Variants in POU6F1 observed in about 807,000 individuals in gnomAD.
POU6F1 encodes the protein POU class 6 homeobox 1.
POU6F1 carries 9 observed loss-of-function variants against 28.9 expected under a neutral mutation model. That is an observed-to-expected ratio of 0.31 (90% CI 0.19 to 0.54). The LOEUF (loss-of-function observed/expected upper bound fraction) is 0.54. Among genes scored for constraint, POU6F1 ranks in the 20% least tolerant of loss-of-function variants. The pLI is 0.94. For synonymous variants in POU6F1, 173 were observed against 171.1 expected, an observed-to-expected ratio of 1.01 and a Z score of -0.09; for missense variants, 338 against 426.1, an observed-to-expected ratio of 0.79 and a Z score of 1.82.
rs933764628 is a variant in POU6F1, at chr12:51,199,775, G to A, written c.338C>T (p.Thr113Met). ...GGGGGCAGCTTGTACAGCCAGTGGC[G>A]TCAGGGTCTGCGATGCCTGAGGCTG... The part of the protein sequence containing the change: ...PSQPQASQTL[T>M]PLAVQAAPQV... Residue 113 changes from threonine (T) to methionine (M), a missense_variant, in exon 4 of 11, where the codon ACG (threonine) becomes ATG (methionine). Physicochemically the swap from Thr to Met is moderately conservative, Grantham distance 81. This residue lies in a region of POU6F1 where 206 missense variants were observed against 225.6 expected (regional missense o/e 0.91). Coordinates refer to ENST00000333640, the MANE Select transcript of POU6F1 (RefSeq NM_001330422.2). This position sits in a 1 kb window ranked among gnomAD's most constrained non-coding sequence, Gnocchi z 4.1. 2.8e-5 allele frequency: 11 copies of A among 399,116 alleles called. No homozygotes were observed. The highest frequency in any genetic ancestry group is 4.4e-5 in the Non-Finnish European group (10 of 226,180). 24.7% of individuals were successfully genotyped at this position (399,116 alleles called of 1,614,324 possible). A position where few individuals can be genotyped will look rare whatever the true frequency, so the allele number is the denominator to read the frequency against.
intron 1 of POU6F1, among the ~76,000 whole-genome samples, chr12:51,209,969 T>C (rs11169766): frequency 0.084 from 12,718 of 152,168 alleles, 667 homozygotes; most frequent in Middle Eastern, 0.15. Flanking sequence ...GATTTTTTTT[T>C]TGTTTTGAGA....
intron 8 of POU6F1, among the ~76,000 whole-genome samples, 175 bp downstream of exon 8, chr12:51,195,795 C>A (rs1276489985): frequency 6.6e-6 from 1 of 152,182 alleles, no homozygotes; most frequent in Non-Finnish European, 1.5e-5. Flanking sequence ...TTTCCCTGGG[C>A]AGAACCTGTG....
chr12:51,194,256 G>A (rs898131721), intron 8 of POU6F1, among the ~76,000 whole-genome samples: 11 of 152,036 alleles, frequency 7.2e-5, no homozygotes. Flanking sequence ...TGAACTCCTG[G>A]CCTCAGGTGA....
chr12:51,209,493 T>C (rs1943845891), intron 1 of POU6F1, among the ~76,000 whole-genome samples: 1 of 152,270 alleles, frequency 6.6e-6, no homozygotes, highest in Non-Finnish European at 1.5e-5. Flanking sequence ...AATAGTATTC[T>C]ATTGTATGGA....
intron 3 of POU6F1, among the ~76,000 whole-genome samples, chr12:51,200,151 T>C (rs913151172): frequency 6.6e-6 from 1 of 151,802 alleles, no homozygotes; most frequent in Non-Finnish European, 1.5e-5. Flanking sequence ...CCCAGGTGAG[T>C]GTTAGCCCTC....
At chr12:51,197,196 G>C (rs1339377021) in intron 6 of POU6F1, among the ~76,000 whole-genome samples, 1 of 142,878 alleles carries the variant, frequency 7.0e-6, no homozygotes, top group African/African-American at 2.6e-5. Context: ...TGGTTTCCAG[G>C]GCTAGGGGTC....
At chr12:51,194,648 A>T (rs911785726) in intron 8 of POU6F1, among the ~76,000 whole-genome samples, 1 of 150,518 alleles carries the variant, frequency 6.6e-6, no homozygotes, top group African/African-American at 2.5e-5. Context: ...CTCAAAAAAA[A>T]AAAAAAAAAA....
chr12:51,196,152 C>A lies in POU6F1; in HGVS notation c.997G>T (p.Val333Leu). Reference protein sequence around the residue: ...QGQVIGTLPWVVNSASVAAPA... With the variant: ...QGQVIGTLPWLVNSASVAAPA... Reference sequence around the variant, plus strand: ...GCCGCCACACTAGCTGAGTTCACTACCCATGGAAGGGTTCCAATAACCTGG... The same window carrying A: ...GCCGCCACACTAGCTGAGTTCACTAACCATGGAAGGGTTCCAATAACCTGG... Residue 333 changes from valine to leucine, a missense_variant, in exon 8 of 11, where the codon GTA becomes TTA. Coordinates refer to ENST00000333640, the MANE Select transcript of POU6F1 (RefSeq NM_001330422.2). The A allele has an allele frequency of 6.5e-7, 1 of 1,533,146 alleles. No individual in the cohort carries two copies. The highest frequency in any genetic ancestry group is 1.3e-5 in the South Asian group (1 of 77,634). The allele number at this position is 1,533,146 out of a possible 1,614,324, so 95.0% of individuals were successfully genotyped here.
chr12:51,200,410 C>T (rs541221545), intron 3 of POU6F1, among the ~76,000 whole-genome samples: 1 of 152,326 alleles, frequency 6.6e-6, no homozygotes, highest in South Asian at 2.1e-4. Context: ...ACTACAGGAT[C>T]ACAGGGGCTC....
intron 1 of POU6F1, among the ~76,000 whole-genome samples, chr12:51,215,577 AGAG>A (rs1174842022): frequency 1.4e-5 from 2 of 146,164 alleles, no homozygotes; most frequent in Non-Finnish European, 3.0e-5. Flanking sequence ...AAAAAAAAAA[AGAG>A]AGATTTCCAA....
intron 1 of POU6F1, among the ~76,000 whole-genome samples, chr12:51,208,550 G>A (rs1943778423): frequency 6.6e-6 from 1 of 152,068 alleles, no homozygotes; most frequent in African/African-American, 2.4e-5. Context: ...TTCTGCTATG[G>A]TCTGAATGTG....
chr12:51,197,121 ATGGTTTCCAGGGCTAGGGGTCTACCGG>A (rs1942884369), intron 6 of POU6F1, 194 bp from the exon 7 acceptor site: 1 of 328,434 alleles, frequency 3.0e-6, no homozygotes, highest in East Asian at 6.8e-5. Flanking sequence ...TACCTGCTGG[ATGGTTTCCAGGGCTAGGGGTCTACCGG>A]CTGGATGGTT....
intron 7 of POU6F1, among the ~76,000 whole-genome samples, chr12:51,196,575 C>T (rs1423476933): frequency 6.6e-6 from 1 of 152,236 alleles, no homozygotes; most frequent in East Asian, 1.9e-4. Context: ...AGCATGGGTG[C>T]TCCATAAATG....
In POU6F1 at chr12:51,196,878, G is replaced by C. The variant is rs764884908; in HGVS notation, c.896C>G (p.Thr299Ser). 33 of 1,613,768 alleles carry C rather than the reference G, an allele frequency of 2.0e-5. No individual in the cohort carries two copies. Among genetic ancestry groups the C allele is most frequent in the Middle Eastern group, 1.7e-4 (1 of 6,054 alleles). The change falls in exon 7 of 11, where the codon ACT becomes AGT. Residue 299 changes from threonine to serine, a missense_variant. By Grantham distance (58) the Thr-to-Ser change is moderately conservative. This residue lies in a region of POU6F1 where 206 missense variants were observed against 225.6 expected (regional missense o/e 0.91). Transcript: ENST00000333640. ...GGQTQILGSL[T>S]TAPVITSAIP... ...GGCGCTGGTAATGACTGGAGCTGTA[G>C]TGAGGGACCCCAGGATCTGGGTCTG...
At chr12:51,209,057 G>A (rs754336676) in intron 1 of POU6F1, among the ~76,000 whole-genome samples, 8 of 152,184 alleles carry the variant, frequency 5.3e-5, no homozygotes, top group Non-Finnish European at 1.2e-4. Context: ...TCAGTACTAT[G>A]AGAAATAAAT....
intron 6 of POU6F1, 140 bp downstream of exon 6, chr12:51,197,630 G>A: frequency 2.5e-6 from 1 of 398,104 alleles, no homozygotes; most frequent in Non-Finnish European, 4.4e-6. Flanking sequence ...AGGCCTCAGA[G>A]GGAGCCCATC....
Position 51,191,752 on chromosome 12 carries a change from G to C in POU6F1, c.1334C>G (p.Pro445Arg). Reference protein sequence around the residue: ...VSQLVSKPHTPSLDEDGINLE... With the variant: ...VSQLVSKPHTRSLDEDGINLE... The stretch of plus-strand genomic sequence containing the variant: ...GTTGATCCCATCCTCATCCAGACTT[G>C]GAGTATGTGGCTCTAGGCCAGAGGG... The change falls in exon 10 of 11, where the codon CCA (proline) becomes CGA (arginine). Residue 445 changes from proline (P) to arginine (R), a missense_variant. This residue lies in a region of POU6F1 where 206 missense variants were observed against 225.6 expected (regional missense o/e 0.91). Transcript: ENST00000333640. 1 of 1,614,190 alleles carries C rather than the reference G, an allele frequency of 6.2e-7. No individual in the cohort carries two copies. Among genetic ancestry groups the C allele is most frequent in the South Asian group, 1.1e-5 (1 of 91,084 alleles).
intron 2 of POU6F1, among the ~76,000 whole-genome samples, chr12:51,205,105 C>T (rs1405644951): frequency 6.3e-5 from 9 of 143,530 alleles, no homozygotes; most frequent in African/African-American, 2.3e-4. Context: ...GTGGCGCAAT[C>T]TCGGCTCACT....
chr12:51,212,063 T>G (rs7953167), intron 1 of POU6F1, among the ~76,000 whole-genome samples: 109,989 of 144,776 alleles, frequency 0.76, 40,196 homozygotes, highest in South Asian at 0.8. Flanking sequence ...TTGCCTTTCG[T>G]TTTTTTTTTT....
Sources: gnomAD v4.1 joint callset for allele counts (sites outside exome capture counted in the v4.1 genomes callset) on GRCh38, gnomAD v4.1.1 for gene constraint, gnomAD v4.1.1 regional missense constraint, Gnocchi (gnomAD v3.1) non-coding constraint, MANE v1.5 for transcripts, NCBI Gene and HGNC (gene_info 2026-07-23, HGNC 2026-07-21) for gene names.